The following EPB41 variants were observed in gnomAD, a reference collection of about 807,000 sequenced individuals.
EPB41 encodes erythrocyte membrane protein band 4.1.
A neutral mutation model predicts 108.0 loss-of-function variants in EPB41; 65 were observed. That is an observed-to-expected ratio of 0.60 (90% CI 0.49 to 0.74). EPB41 has a LOEUF of 0.74. Among genes scored for constraint, EPB41 ranks in the 30% least tolerant of loss-of-function variants. The pLI is 0.00. For missense variants in EPB41, 875 were observed against 1,037.0 expected, an observed-to-expected ratio of 0.84 and a Z score of 2.15; for synonymous variants, 336 against 358.9, an observed-to-expected ratio of 0.94 and a Z score of 0.72.
chr1:29,014,898 C>A (rs2096558048), intron 5 of EPB41, among the ~76,000 whole-genome samples: 1 of 152,226 alleles, frequency 6.6e-6, no homozygotes. Flanking sequence ...GTAATCCCAG[C>A]ACTTTGGGAC....
At chr1:28,898,209 C>T (rs948818823) in intron 1 of EPB41, among the ~76,000 whole-genome samples, 6 of 152,158 alleles carry the variant, frequency 3.9e-5, no homozygotes, top group Admixed American at 1.3e-4. Context: ...ATGTCACTGG[C>T]TCCCCTCTCC....
chr1:28,923,199 G>T (rs1265731505), intron 1 of EPB41, among the ~76,000 whole-genome samples: 3 of 137,010 alleles, frequency 2.2e-5, no homozygotes, highest in Non-Finnish European at 4.5e-5. Flanking sequence ...GGATTCAAGC[G>T]ATTCTCCTGC....
At chr1:28,897,269 C>G (rs1182843538) in intron 1 of EPB41, among the ~76,000 whole-genome samples, 1 of 151,966 alleles carries the variant, frequency 6.6e-6, no homozygotes, top group Non-Finnish European at 1.5e-5. Context: ...TCAGGAATCA[C>G]CAGGCCTGGT....
chr1:29,017,002 A>G (rs775340128), intron 6 of EPB41, among the ~76,000 whole-genome samples: 1 of 152,114 alleles, frequency 6.6e-6, no homozygotes, highest in Non-Finnish European at 1.5e-5. Flanking sequence ...ATTTTTTCTT[A>G]TTATTTGTCA....
chr1:29,035,118 A>C (rs1272747252), intron 9 of EPB41, among the ~76,000 whole-genome samples: 1 of 151,658 alleles, frequency 6.6e-6, no homozygotes, highest in African/African-American at 2.4e-5. Flanking sequence ...AGTAGCTGGA[A>C]TTACAGGCGC....
chr1:29,106,871 C>T (rs1279995582), intron 17 of EPB41, among the ~76,000 whole-genome samples: 1 of 150,664 alleles, frequency 6.6e-6, no homozygotes, highest in African/African-American at 2.4e-5. Context: ...GCACCCAGTC[C>T]CCAGTATTGC....
intron 7 of EPB41, among the ~76,000 whole-genome samples, chr1:29,019,872 C>T (rs2096622401): frequency 6.6e-6 from 1 of 152,118 alleles, no homozygotes. Flanking sequence ...CTACAACCTA[C>T]ATAGCAGTAG....
intron 16 of EPB41, among the ~76,000 whole-genome samples, chr1:29,090,713 G>A (rs1203541248): frequency 1.3e-5 from 2 of 152,178 alleles, no homozygotes; most frequent in Non-Finnish European, 2.9e-5. Flanking sequence ...TCGCGCCATT[G>A]CACTCCAACC....
intron 1 of EPB41, among the ~76,000 whole-genome samples, chr1:28,930,609 C>T (rs1017679335): frequency 6.6e-6 from 1 of 151,976 alleles, no homozygotes; most frequent in African/African-American, 2.4e-5. Context: ...CTCAGACCCC[C>T]TAGTAGCTGG....
chr1:29,115,604 T>G lies in EPB41; in HGVS notation c.2497-95T>G. On this transcript the variant is annotated intron_variant, in intron 19 of 20. Transcript: ENST00000343067. The surrounding 1 kb of genome is among the most constrained non-coding windows in gnomAD (Gnocchi z 4.4). ...GCCCTGGTACTGCAGACAGGAGTAT[T>G]GGATCTGTCAGAACATCAGAGAAAT... 1 of 1,061,370 alleles carries G rather than the reference T, an allele frequency of 9.4e-7. No individual in the cohort carries two copies. The highest frequency in any genetic ancestry group is 1.4e-6 in the Non-Finnish European group (1 of 698,492). The allele number at this position is 1,061,370 out of a possible 1,614,324, so 65.7% of individuals were successfully genotyped here.
At chr1:28,923,915 T>G (rs938476211) in intron 1 of EPB41, among the ~76,000 whole-genome samples, 1 of 152,184 alleles carries the variant, frequency 6.6e-6, no homozygotes. Flanking sequence ...TGCATACCCT[T>G]AGTGTAATTT....
chr1:29,076,443 C>T (rs1367503812), intron 16 of EPB41, among the ~76,000 whole-genome samples: 1 of 152,118 alleles, frequency 6.6e-6, no homozygotes, highest in Non-Finnish European at 1.5e-5. Flanking sequence ...TTGAGAGTTT[C>T]ATGTAGCCCA....
chr1:28,908,356 T>C (rs1034343424), intron 1 of EPB41, among the ~76,000 whole-genome samples: 10 of 150,800 alleles, frequency 6.6e-5, no homozygotes, highest in Non-Finnish European at 1.5e-4. Context: ...AAGCCGAGAT[T>C]GTGCCACTGC....
intron 1 of EPB41, among the ~76,000 whole-genome samples, chr1:28,965,999 A>G (rs911910461): frequency 4.6e-5 from 7 of 152,080 alleles, no homozygotes; most frequent in Non-Finnish European, 1.0e-4. Context: ...CCTGGCCAAC[A>G]TGACGAAACC....
intron 3 of EPB41, among the ~76,000 whole-genome samples, chr1:28,995,819 T>C (rs1011048760): frequency 8.5e-5 from 13 of 152,078 alleles, no homozygotes; most frequent in Non-Finnish European, 4.4e-5. Context: ...TTAGGGAAAA[T>C]ACATGAAGCA....
At position 28,887,714 on chromosome 1, in the gene EPB41, T is replaced by C. The variant is rs930916271; in HGVS notation, c.-8+504T>C. 2.0e-6 allele frequency: 2 copies of C among 983,506 alleles called. No homozygotes were observed. The highest frequency in any genetic ancestry group is 1.1e-4 in the East Asian group (1 of 8,760). 60.9% of individuals were successfully genotyped at this position (983,506 alleles called of 1,614,324 possible). A position where few individuals can be genotyped will look rare whatever the true frequency, so the allele number is the denominator to read the frequency against. On this transcript the variant is annotated intron_variant, in intron 1 of 16. Transcript: ENST00000347529. This position sits in a 1 kb window ranked among gnomAD's most constrained non-coding sequence, Gnocchi z 4.9. ...CGGCCCTTACGTAACTGACTTTGAG[T>C]TTCCGGACCCAGGAACCGACCCGCC...
At chr1:28,889,191 A>G (rs1219785475) in intron 1 of EPB41, among the ~76,000 whole-genome samples, 1 of 152,188 alleles carries the variant, frequency 6.6e-6, no homozygotes, top group African/African-American at 2.4e-5. Flanking sequence ...AAGCAGCATC[A>G]AATAGGCAAT....
At chr1:28,943,030 A>G (rs895680552) in intron 1 of EPB41, among the ~76,000 whole-genome samples, 4 of 152,170 alleles carry the variant, frequency 2.6e-5, no homozygotes, top group Non-Finnish European at 5.9e-5. Context: ...CCATTGGGAA[A>G]TCTTACTGTC....
chr1:29,005,322 C>T (rs1572294423), intron 4 of EPB41, among the ~76,000 whole-genome samples: 1 of 152,116 alleles, frequency 6.6e-6, no homozygotes, highest in Non-Finnish European at 1.5e-5. Context: ...AGGGGGAAAT[C>T]TACCCCCATG....
Sources: allele counts gnomAD v4.1 joint callset (sites outside exome capture counted in the v4.1 genomes callset), GRCh38; gene constraint gnomAD v4.1.1; non-coding constraint Gnocchi (gnomAD v3.1); transcripts MANE v1.5; gene names NCBI Gene and HGNC (gene_info 2026-07-23, HGNC 2026-07-21).